The following WDFY3 variants were observed in gnomAD, a reference collection of about 807,000 sequenced individuals.
WDFY3 encodes WD repeat and FYVE domain-containing protein 3.
A neutral mutation model predicts 409.6 loss-of-function variants in WDFY3; 66 were observed. The observed-to-expected ratio is 0.16, with a 90% CI of 0.13 to 0.20. The LOEUF is 0.20. WDFY3 is among the 10% of genes least tolerant of loss of function. WDFY3 has a pLI of 1.00. For missense variants in WDFY3, 3,031 were observed against 4,298.1 expected, an observed-to-expected ratio of 0.71 and a Z score of 8.24; for synonymous variants, 1,521 against 1,537.1, an observed-to-expected ratio of 0.99 and a Z score of 0.25.
chr4:84,875,151 C>T (rs1253170153), intron 3 of WDFY3, among the ~76,000 whole-genome samples: 6 of 151,852 alleles, frequency 4.0e-5, no homozygotes, highest in Non-Finnish European at 1.5e-5. Flanking sequence ...GCCTGTAGTC[C>T]CAGCTACTCA....
intron 30 of WDFY3, among the ~76,000 whole-genome samples, chr4:84,769,732 A>G (rs1744323207): frequency 6.6e-6 from 1 of 151,800 alleles, no homozygotes. Flanking sequence ...TGCTTTTATT[A>G]TTTTTTTAAT....
At chr4:84,751,292 G>A in intron 36 of WDFY3, 191 bp downstream of exon 36, 1 of 624,750 alleles carries the variant, frequency 1.6e-6, no homozygotes, top group Non-Finnish European at 2.8e-6. Context: ...CATCCTTGAG[G>A]GAAGGAAAAG....
At chr4:84,720,059 T>C (rs879438907) in intron 47 of WDFY3, among the ~76,000 whole-genome samples, 3 of 152,234 alleles carry the variant, frequency 2.0e-5, no homozygotes, top group African/African-American at 7.2e-5. Flanking sequence ...ATTCATTCCC[T>C]TGTTTATTAA....
chr4:84,751,758 T>G, intron 35 of WDFY3, 42 bp from the exon 36 acceptor site: 1 of 1,599,560 alleles, frequency 6.3e-7, no homozygotes, highest in Middle Eastern at 1.7e-4. Context: ...CACATTAGAC[T>G]CTGACATTTT....
At chr4:84,850,920 A>ATTTGTTTTTTTTTTTTTTTTTT (rs1333381252) in intron 4 of WDFY3, among the ~76,000 whole-genome samples, 1 of 43,852 alleles carries the variant, frequency 2.3e-5, no homozygotes, top group African/African-American at 1.0e-4. Context: ...TTTTAATTTT[A>ATTTGTTTTTTTTTTTTTTTTTT]TTTATCTGTT....
chr4:84,790,554 G>A (rs565415195), intron 21 of WDFY3, among the ~76,000 whole-genome samples: 70 of 151,954 alleles, frequency 4.6e-4, no homozygotes, highest in African/African-American at 5.8e-4. Context: ...AGACAATAAC[G>A]TTATGATAAA....
intron 10 of WDFY3, among the ~76,000 whole-genome samples, chr4:84,822,579 G>T (rs944655749): frequency 6.6e-6 from 1 of 151,664 alleles, no homozygotes; most frequent in Non-Finnish European, 1.5e-5. Flanking sequence ...TGTGCCTGTA[G>T]TTCTAGCTAC....
In WDFY3 at chr4:84,810,089, A is replaced by C; in HGVS notation, c.2143T>G (p.Leu715Val). The C allele has an allele frequency of 3.1e-6, 5 of 1,614,176 alleles. No individual in the cohort carries two copies. Among genetic ancestry groups the C allele is most frequent in the Non-Finnish European group, 4.2e-6 (5 of 1,180,004 alleles). ...CCAAGAAATCGAACAGCATCTGCCA[A>C]CTTCTCATACTGAATCTCTGTTTTG... Reference protein sequence around the residue: ...FFKTEIQYEKLADAVRFLGCF... With the variant: ...FFKTEIQYEKVADAVRFLGCF... The change falls in exon 14 of 68, where the codon TTG (leucine) becomes GTG (valine). Residue 715 changes from leucine (L) to valine (V), a missense_variant. Transcript: ENST00000295888.
At position 84,728,943 on chromosome 4, in the gene WDFY3, T is replaced by A. The variant is rs1021273704; in HGVS notation, c.7222-2032A>T. Among the ~76,000 whole-genome samples, 3 of 152,160 alleles carry A rather than the reference T, an allele frequency of 2.0e-5. No individual in the cohort carries two copies. The East Asian group carries it at 5.8e-4, about 29-fold the overall frequency. On this transcript the variant is annotated intron_variant, in intron 44 of 67. Transcript: ENST00000295888. ...ATAGTCCTTTTACTTCAAATTTTTC[T>A]ATAATGCTGGCAATGAAATTTCCTA...
At chr4:84,787,845 G>T in intron 22 of WDFY3, 132 bp from the exon 23 acceptor site, 1 of 813,196 alleles carries the variant, frequency 1.2e-6, no homozygotes, top group Non-Finnish European at 1.9e-6. Flanking sequence ...TTGGGGTGGA[G>T]AAACAGGAAG....
At chr4:84,695,850 G>A (rs761306301) in intron 58 of WDFY3, 120 bp downstream of exon 58, 20 of 928,278 alleles carry the variant, frequency 2.2e-5, no homozygotes, top group Non-Finnish European at 3.0e-5. Flanking sequence ...AATCCTAGGT[G>A]ATATTTATGG....
At chr4:84,765,595 A>C (rs898295952) in intron 32 of WDFY3, among the ~76,000 whole-genome samples, 2 of 152,190 alleles carry the variant, frequency 1.3e-5, no homozygotes, top group Admixed American at 1.3e-4. Flanking sequence ...GAATTCCCTG[A>C]GTTTTCAAAT....
intron 1 of WDFY3, among the ~76,000 whole-genome samples, chr4:84,953,565 T>G (rs952530951): frequency 6.6e-6 from 1 of 152,046 alleles, no homozygotes; most frequent in African/African-American, 2.4e-5. Flanking sequence ...TGTATTTTTT[T>G]AAAAAAAGAA....
chr4:84,691,941 C>A (rs1042698371), intron 59 of WDFY3, among the ~76,000 whole-genome samples, 156 bp from the exon 60 acceptor site: 3 of 152,194 alleles, frequency 2.0e-5, no homozygotes, highest in Admixed American at 1.3e-4. Flanking sequence ...GCTTTTGAAT[C>A]TCCTACAAGA....
intron 59 of WDFY3, among the ~76,000 whole-genome samples, chr4:84,692,048 A>C (rs1231282383): frequency 1.3e-5 from 2 of 152,198 alleles, no homozygotes; most frequent in African/African-American, 4.8e-5. Context: ...ACTACCATTC[A>C]GGTTTGCCTC....
In WDFY3 at chr4:84,671,198, A is replaced by G. The variant is rs1725393948; in HGVS notation, c.*1670T>C. ...AGGTACAAGATCACCATTGTACCAA[A>G]TGCCTATTTTTGAATGCATGTGCAT... On this transcript the variant is annotated 3_prime_UTR_variant, in exon 68 of 68. Transcript: ENST00000295888. The G allele has an allele frequency of 6.6e-6, 1 of 152,582 alleles. No homozygotes were observed. Among genetic ancestry groups the G allele is most frequent in the African/African-American group, 2.4e-5 (1 of 41,456 alleles). The allele number at this position is 152,582 out of a possible 1,614,324, so 9.5% of individuals were successfully genotyped here. A position where few individuals can be genotyped will look rare whatever the true frequency, so the allele number is the denominator to read the frequency against.
Position 84,715,356 on chromosome 4 carries a change from C to T in WDFY3, c.7903G>A (p.Asp2635Asn). 6.2e-7 allele frequency: 1 copy of T among 1,609,832 alleles called. No individual in the cohort carries two copies. Among genetic ancestry groups the T allele is most frequent in the Non-Finnish European group, 8.5e-7 (1 of 1,176,558 alleles). The part of the protein sequence containing the change: ...QPIAVEVFSG[D>N]GRNYLLAFQK... ...AAAGCAAGGAGGTAATTCCGTCCAT[C>T]TCCAGAGAAAACTTCCACAGCAATA... Residue 2635 changes from aspartate (D) to asparagine (N), a missense_variant, in exon 50 of 68, where the codon GAT becomes AAT. Transcript: ENST00000295888.
chr4:84,771,882 C>A (rs576773116), intron 30 of WDFY3, among the ~76,000 whole-genome samples: 6 of 152,296 alleles, frequency 3.9e-5, no homozygotes, highest in African/African-American at 1.4e-4. Context: ...GGGTCCTGAA[C>A]CTGTCACTAA....
At chr4:84,817,867 T>A (rs1753531107) in intron 12 of WDFY3, among the ~76,000 whole-genome samples, 1 of 152,136 alleles carries the variant, frequency 6.6e-6, no homozygotes, top group Admixed American at 6.5e-5. Context: ...CACAAGTCTC[T>A]TAGGCAGACC....
Sources: allele counts gnomAD v4.1 joint callset (sites outside exome capture counted in the v4.1 genomes callset), GRCh38; gene constraint gnomAD v4.1.1; transcripts MANE v1.5; gene names NCBI Gene and HGNC (gene_info 2026-07-23, HGNC 2026-07-21).